NIBAN1: variants seen among roughly 807,000 people sequenced by gnomAD.
The protein encoded by NIBAN1 is niban apoptosis regulator 1, also known as protein Niban 1.
In NIBAN1, 81 loss-of-function variants were observed where a neutral mutation model predicts 75.1. That is an observed-to-expected ratio of 1.08 (90% CI 0.90 to 1.30). The LOEUF (loss-of-function observed/expected upper bound fraction) is 1.30, where lower values mean the gene tolerates loss of function less well. Ranked by LOEUF, NIBAN1 falls within the 50% of genes most tolerant of loss-of-function variation. The pLI is 0.00. For synonymous variants in NIBAN1, 436 were observed against 424.8 expected (o/e 1.03, Z -0.32); for missense variants, 1,133 against 1,128.1 (o/e 1.00, Z -0.06).
rs1348919879 is a variant in NIBAN1, at chr1:184,845,649, G to C, written c.602-13687C>G. 7.0e-5 allele frequency among the ~76,000 whole-genome samples: 2 copies of C among 28,460 alleles called. 1 individual carries two copies. The highest frequency in any genetic ancestry group is 1.5e-4 in the Non-Finnish European group (2 of 13,782). 18.7% of individuals were successfully genotyped at this position (28,460 alleles called of 152,430 possible). On this transcript the variant is annotated intron_variant, in intron 5 of 13. Transcript: ENST00000367511. ...AGATGGCCGAATAGGAACAGCTCCG[G>C]TCTACAGATCCCAGCGTAAGCGACG... is the stretch of plus-strand genomic sequence containing the variant.
At chr1:184,814,544 T>A (rs1654473244) in intron 9 of NIBAN1, among the ~76,000 whole-genome samples, 2 of 152,208 alleles carry the variant, frequency 1.3e-5, no homozygotes, top group African/African-American at 4.8e-5. Flanking sequence ...CATTGGGTCT[T>A]ATTTGGAAAG....
At chr1:184,885,999 C>A (rs1382558642) in intron 4 of NIBAN1, among the ~76,000 whole-genome samples, 1 of 152,126 alleles carries the variant, frequency 6.6e-6, no homozygotes, top group African/African-American at 2.4e-5. Flanking sequence ...CTGGCTTCCC[C>A]TCCACTCTCA....
chr1:184,970,712 T>C (rs1171155164), intron 1 of NIBAN1, among the ~76,000 whole-genome samples: 2 of 152,204 alleles, frequency 1.3e-5, no homozygotes, highest in Non-Finnish European at 2.9e-5. Flanking sequence ...AACTGGTATT[T>C]GCTGCTGGCA....
At position 184,795,241 on chromosome 1, in the gene NIBAN1, T is replaced by C. The variant is rs554870338; in HGVS notation, c.2523A>G (p.Gln841=). The stretch of plus-strand genomic sequence containing the variant: ...GGTCAGAACCTAAGGTGCAGCCCTC[T>C]TGCTGTGAGGCATCCCCTTCCTCGG... ...KCTEEGDASQ[Q]EGCTLGSDPI... is the part of the protein sequence containing the mutation. Residue 841 remains glutamine (Q), a synonymous_variant, in exon 14 of 14, where the codon CAA becomes CAG. Transcript: ENST00000367511. 1 of 1,613,774 alleles carries C rather than the reference T, an allele frequency of 6.2e-7. No individual in the cohort carries two copies. The highest frequency in any genetic ancestry group is 2.2e-5 in the East Asian group (1 of 44,884).
intron 6 of NIBAN1, among the ~76,000 whole-genome samples, chr1:184,829,720 C>A (rs897937619): frequency 1.3e-5 from 2 of 152,062 alleles, no homozygotes; most frequent in Non-Finnish European, 2.9e-5. Context: ...CCCGCCTTGG[C>A]CTCCCAAAGT....
chr1:184,868,823 G>A (rs957422147), intron 5 of NIBAN1, among the ~76,000 whole-genome samples: 2 of 152,168 alleles, frequency 1.3e-5, no homozygotes, highest in African/African-American at 4.8e-5. Flanking sequence ...TGGTACAGTA[G>A]TTTAGAACAC....
intron 5 of NIBAN1, among the ~76,000 whole-genome samples, chr1:184,858,002 T>C (rs1285332294): frequency 6.6e-6 from 1 of 151,800 alleles, no homozygotes; most frequent in Non-Finnish European, 1.5e-5. Flanking sequence ...TTAAGGGGAA[T>C]CTTCTAAACA....
intron 1 of NIBAN1, among the ~76,000 whole-genome samples, chr1:184,921,751 A>G (rs1185278195): frequency 6.6e-6 from 1 of 152,218 alleles, no homozygotes; most frequent in Non-Finnish European, 1.5e-5. Context: ...GGAGCAGTCA[A>G]TCAATAGTAA....
chr1:184,854,722 C>T (rs534209895), intron 5 of NIBAN1, among the ~76,000 whole-genome samples: 1 of 152,294 alleles, frequency 6.6e-6, no homozygotes, highest in African/African-American at 2.4e-5. Flanking sequence ...ACAGATTGTT[C>T]ACCCTGCCTC....
chr1:184,868,598 A>C (rs1263920036), intron 5 of NIBAN1: 2 of 152,234 alleles, frequency 1.3e-5, no homozygotes, highest in Non-Finnish European at 2.9e-5. Flanking sequence ...TCTGCATCTC[A>C]ATTGTCACCT....
intron 1 of NIBAN1, among the ~76,000 whole-genome samples, chr1:184,968,731 T>C (rs1658862419): frequency 6.6e-6 from 1 of 152,302 alleles, no homozygotes; most frequent in Admixed American, 6.5e-5. Context: ...CTGTATTAGA[T>C]AGAATGAGGT....
chr1:184,869,327 C>A (rs1320174780), intron 5 of NIBAN1, among the ~76,000 whole-genome samples: 1 of 152,016 alleles, frequency 6.6e-6, no homozygotes, highest in Non-Finnish European at 1.5e-5. Flanking sequence ...ATTAGATCGT[C>A]CAGTATAAAA....
chr1:184,863,793 T>G (rs1655878866), intron 5 of NIBAN1, among the ~76,000 whole-genome samples: 1 of 152,228 alleles, frequency 6.6e-6, no homozygotes, highest in Admixed American at 6.5e-5. Context: ...GATCTAGGTA[T>G]TCATTGGTTT....
At chr1:184,919,455 T>C (rs970170033) in intron 1 of NIBAN1, among the ~76,000 whole-genome samples, 7 of 152,200 alleles carry the variant, frequency 4.6e-5, no homozygotes, top group Admixed American at 1.3e-4. Context: ...CATGTTTATA[T>C]GGCACAAAAT....
At chr1:184,828,214 C>T (rs1175753790) in intron 6 of NIBAN1, among the ~76,000 whole-genome samples, 1 of 152,224 alleles carries the variant, frequency 6.6e-6, no homozygotes, top group Non-Finnish European at 1.5e-5. Context: ...GAGATAGTTG[C>T]TTTGCCTGAG....
At chr1:184,816,814 G>A (rs1024777845) in intron 9 of NIBAN1, among the ~76,000 whole-genome samples, 1 of 149,018 alleles carries the variant, frequency 6.7e-6, no homozygotes, top group Non-Finnish European at 1.5e-5. Flanking sequence ...CAATGACTAA[G>A]GTTTTGGTCA....
chr1:184,832,820 G>T (rs1018655501), intron 5 of NIBAN1, among the ~76,000 whole-genome samples: 2 of 152,128 alleles, frequency 1.3e-5, no homozygotes, highest in African/African-American at 4.8e-5. Context: ...TGGGCTGAAC[G>T]GCCTTCTCAG....
chr1:184,886,780 T>C (rs1656536657), intron 4 of NIBAN1, among the ~76,000 whole-genome samples: 1 of 152,076 alleles, frequency 6.6e-6, no homozygotes, highest in African/African-American at 2.4e-5. Context: ...GCACTGGGAA[T>C]ACAAGGAAAT....
intron 5 of NIBAN1, chr1:184,867,922 G>A: frequency 3.0e-6 from 3 of 985,408 alleles, no homozygotes; most frequent in Non-Finnish European, 3.6e-6. Context: ...AGTGTCCCGT[G>A]TCACACAACG....
Sources: gnomAD v4.1 joint callset for allele counts (sites outside exome capture counted in the v4.1 genomes callset) on GRCh38, gnomAD v4.1.1 for gene constraint, MANE v1.5 for transcripts, NCBI Gene and HGNC (gene_info 2026-07-23, HGNC 2026-07-21) for gene names.